ZNF558: variants seen among roughly 807,000 people sequenced by gnomAD.
ZNF558 encodes zinc finger protein 558.
A neutral mutation model predicts 37.6 loss-of-function variants in ZNF558; 23 were observed. That is an observed-to-expected ratio of 0.61 (90% CI 0.44 to 0.87). ZNF558 has a LOEUF of 0.87. Ranked by LOEUF, ZNF558 falls within the 40% of genes least tolerant of loss-of-function variation. The probability of loss-of-function intolerance (pLI) is 0.00; values close to 1 mark genes in which losing one functional copy is unlikely to be tolerated. For synonymous variants in ZNF558, 189 were observed against 174.4 expected (o/e 1.08, Z -0.66); for missense variants, 429 against 483.7 (o/e 0.89, Z 1.06).
intron 8 of ZNF558, 145 bp from the exon 9 acceptor site, chr19:8,812,788 A>C (rs2043828805): frequency 1.8e-6 from 1 of 558,226 alleles, no homozygotes. Context: ...TTAGGTATTA[A>C]TTTTAAAAAA....
upstream of ZNF558, among the ~76,000 whole-genome samples, chr19:8,836,332 T>A (rs1294680924): frequency 6.6e-6 from 1 of 151,854 alleles, no homozygotes; most frequent in Non-Finnish European, 1.5e-5. Flanking sequence ...AAATGTGAGT[T>A]CTTCTCTTCT....
Position 8,822,645 on chromosome 19 carries a change from G to A in ZNF558, c.15C>T (p.Ile5=). The change falls in exon 5 of 10, where the codon ATC becomes ATT. Residue 5 remains isoleucine, a synonymous_variant. Coordinates refer to ENST00000601372, the MANE Select transcript of ZNF558 (RefSeq NM_144693.3). This position sits in a 1 kb window ranked among gnomAD's most constrained non-coding sequence, Gnocchi z 4.4. Reference sequence around the variant, plus strand: ...ACGACTCACCAGCAGTCGAGGGCAGGATGACAGCCGCCATCCTGTGACTCC... The same window carrying A: ...ACGACTCACCAGCAGTCGAGGGCAGAATGACAGCCGCCATCCTGTGACTCC... MAAV[I]LPSTAAPSSL... is the part of the protein sequence containing the mutation. 6.2e-7 allele frequency: 1 copy of A among 1,614,048 alleles called. No homozygotes were observed. Among genetic ancestry groups the A allele is most frequent in the South Asian group, 1.1e-5 (1 of 91,078 alleles).
intron 4 of ZNF558, among the ~76,000 whole-genome samples, chr19:8,823,483 C>A (rs1311659063): frequency 8.1e-6 from 1 of 123,314 alleles, no homozygotes; most frequent in Non-Finnish European, 1.7e-5. Context: ...TGGTCACCCC[C>A]CTCCTGCCTG....
chr19:8,808,639 AAAC>A lies in ZNF558; in HGVS notation c.*2639_*2641del, dbSNP rs1214480631. The A allele has an allele frequency of 1.3e-5, 2 of 152,246 alleles. No homozygotes were observed. Among genetic ancestry groups the A allele is most frequent in the African/African-American group, 2.4e-5 (1 of 41,462 alleles). 9.4% of individuals were successfully genotyped at this position (152,246 alleles called of 1,614,324 possible). On this transcript the variant is annotated 3_prime_UTR_variant, in exon 10 of 10. Coordinates refer to ENST00000601372, the MANE Select transcript of ZNF558 (RefSeq NM_144693.3). The stretch of plus-strand genomic sequence containing the variant: ...TAGAGAATATACATTGTTTTCAAAG[AAAC>A]AACATGGGTAAAACTTGACCAATTT...
intron 7 of ZNF558, among the ~76,000 whole-genome samples, chr19:8,819,896 G>T (rs184424809): frequency 6.6e-6 from 1 of 152,122 alleles, no homozygotes; most frequent in African/African-American, 2.4e-5. Flanking sequence ...AGCCGAGATC[G>T]TGCTGCGCCA....
intron 4 of ZNF558, chr19:8,823,027 C>T (rs962221119): frequency 3.7e-5 from 10 of 269,356 alleles, no homozygotes; most frequent in Non-Finnish European, 3.7e-5. Context: ...TTCCCGGCTA[C>T]TCCCTCCTTC....
At chr19:8,836,707 G>T (rs946977703), upstream of ZNF558, among the ~76,000 whole-genome samples, 2 of 152,186 alleles carry the variant, frequency 1.3e-5, no homozygotes, top group Non-Finnish European at 2.9e-5. Flanking sequence ...ACAGAGGCTA[G>T]TCTCGAACTC....
intron 2 of ZNF558, among the ~76,000 whole-genome samples, chr19:8,828,141 G>A (rs2044273534): frequency 6.6e-6 from 1 of 152,194 alleles, no homozygotes. Flanking sequence ...TTCCTTTAAG[G>A]GAAATTCCGA....
Position 8,812,081 on chromosome 19 carries a change from A to C in ZNF558, c.427-18T>G. On this transcript the variant is annotated intron_variant, in intron 9 of 9. Transcript: ENST00000601372. ...CTTCTTTCCTGTGGATTAAGAGATG[A>C]ATGATAACTATAATTTATAATATTT... 1 of 1,513,856 alleles carries C rather than the reference A, an allele frequency of 6.6e-7. No individual in the cohort carries two copies. Among genetic ancestry groups the C allele is most frequent in the Non-Finnish European group, 8.8e-7 (1 of 1,131,186 alleles). 93.8% of individuals were successfully genotyped at this position (1,513,856 alleles called of 1,614,324 possible). A position where few individuals can be genotyped will look rare whatever the true frequency, so the allele number is the denominator to read the frequency against.
intron 2 of ZNF558, among the ~76,000 whole-genome samples, chr19:8,830,349 G>A (rs2044321445): frequency 2.0e-5 from 3 of 151,932 alleles, no homozygotes; most frequent in African/African-American, 4.8e-5. Context: ...GTGTGAAAAA[G>A]GACTAATACA....
At position 8,822,600 on chromosome 19, in the gene ZNF558, CTG is replaced by C; in HGVS notation, c.31+27_31+28del. 3 of 1,614,034 alleles carry C rather than the reference CTG, an allele frequency of 1.9e-6. No individual in the cohort carries two copies. The highest frequency in any genetic ancestry group is 2.2e-5 in the East Asian group (1 of 44,866). On this transcript the variant is annotated intron_variant, in intron 5 of 9. Transcript: ENST00000601372. The surrounding 1 kb of genome is among the most constrained non-coding windows in gnomAD (Gnocchi z 4.4). ...GGTCAGAACCTTTCAAGGCTGGACT[CTG>C]AGAAATGTCAGGACCCCACGACTCA...
chr19:8,811,189 C>G lies in ZNF558; in HGVS notation c.*92G>C. ...GCGGGGATCATTTGTTATGCTGCAA[C>G]AAATAACTTATATATCCAGTGTGAG... On this transcript the variant is annotated 3_prime_UTR_variant, in exon 10 of 10. Transcript: ENST00000601372. 1 of 1,365,540 alleles carries G rather than the reference C, an allele frequency of 7.3e-7. No individual in the cohort carries two copies. Among genetic ancestry groups the G allele is most frequent in the Non-Finnish European group, 9.9e-7 (1 of 1,014,940 alleles). 84.6% of individuals were successfully genotyped at this position (1,365,540 alleles called of 1,614,324 possible). A position where few individuals can be genotyped will look rare whatever the true frequency, so the allele number is the denominator to read the frequency against.
chr19:8,815,068 C>G (rs1164122599), intron 7 of ZNF558, among the ~76,000 whole-genome samples: 1 of 151,800 alleles, frequency 6.6e-6, no homozygotes, highest in African/African-American at 2.4e-5. Flanking sequence ...CTAGTTTCAA[C>G]AAAATAATTA....
chr19:8,827,260 T>C (rs1179966814), intron 2 of ZNF558, among the ~76,000 whole-genome samples: 3 of 152,198 alleles, frequency 2.0e-5, no homozygotes, highest in African/African-American at 7.2e-5. Context: ...GATGGAAATG[T>C]TCTATAATTC....
intron 7 of ZNF558, among the ~76,000 whole-genome samples, chr19:8,818,929 G>A (rs754384530): frequency 1.3e-5 from 2 of 152,184 alleles, no homozygotes; most frequent in Non-Finnish European, 2.9e-5. Flanking sequence ...ATTTGATGGG[G>A]AAAGAATAAA....
At position 8,809,201 on chromosome 19, in the gene ZNF558, A is replaced by G. The variant is rs2043729664; in HGVS notation, c.*2080T>C. The G allele has an allele frequency of 6.6e-6, 1 of 152,234 alleles. No homozygotes were observed. The highest frequency in any genetic ancestry group is 2.4e-5 in the African/African-American group (1 of 41,462). 9.4% of individuals were successfully genotyped at this position (152,234 alleles called of 1,614,324 possible). Reference sequence around the variant, plus strand: ...TTTTGGCTGCACTTTGGTTTCTGTCATTGTGGTCAAAAAGAAGCTCTTCAA... The same window carrying G: ...TTTTGGCTGCACTTTGGTTTCTGTCGTTGTGGTCAAAAAGAAGCTCTTCAA... On this transcript the variant is annotated 3_prime_UTR_variant, in exon 10 of 10. Transcript: ENST00000601372.
At chr19:8,812,478 C>T in intron 9 of ZNF558, 83 bp downstream of exon 9, 1 of 866,810 alleles carries the variant, frequency 1.2e-6, no homozygotes. Context: ...CCTTTAATGC[C>T]TCTCCTGGTT....
At chr19:8,830,258 A>C (rs1379324473) in intron 2 of ZNF558, among the ~76,000 whole-genome samples, 1 of 152,116 alleles carries the variant, frequency 6.6e-6, no homozygotes, top group Non-Finnish European at 1.5e-5. Flanking sequence ...GAGTCAATTA[A>C]ACTTCTTTCC....
intron 7 of ZNF558, among the ~76,000 whole-genome samples, chr19:8,817,378 TA>T (rs1186935754): frequency 6.6e-6 from 1 of 152,186 alleles, no homozygotes; most frequent in African/African-American, 2.4e-5. Context: ...ATATTAAATA[TA>T]TAATTTATAA....
Sources: gnomAD v4.1 joint callset for allele counts (sites outside exome capture counted in the v4.1 genomes callset) on GRCh38, gnomAD v4.1.1 for gene constraint, Gnocchi (gnomAD v3.1) non-coding constraint, MANE v1.5 for transcripts, NCBI Gene and HGNC (gene_info 2026-07-23, HGNC 2026-07-21) for gene names.